IMMP2L: variants seen among roughly 807,000 people sequenced by gnomAD.
IMMP2L encodes the protein inner mitochondrial membrane peptidase subunit 2, also known as mitochondrial inner membrane protease subunit 2.
IMMP2L carries 18 observed loss-of-function variants against 19.3 expected under a neutral mutation model. That is an observed-to-expected ratio of 0.93 (90% CI 0.64 to 1.38). The LOEUF (loss-of-function observed/expected upper bound fraction) is 1.38. IMMP2L is among the 40% of genes most tolerant of loss of function. IMMP2L has a pLI of 0.00. For synonymous variants in IMMP2L, 76 were observed against 73.0 expected, an observed-to-expected ratio of 1.04 and a Z score of -0.21; for missense variants, 233 against 218.2, an observed-to-expected ratio of 1.07 and a Z score of -0.43.
At chr7:110,763,800 C>A (rs545500426) in intron 5 of IMMP2L, among the ~76,000 whole-genome samples, 1 of 151,996 alleles carries the variant, frequency 6.6e-6, no homozygotes, top group Non-Finnish European at 1.5e-5. Context: ...AAGAAAACTG[C>A]GAATATTTTA....
At chr7:111,016,802 A>ATATATATAT (rs1825667501) in intron 3 of IMMP2L, among the ~76,000 whole-genome samples, 10 of 51,108 alleles carry the variant, frequency 2.0e-4, no homozygotes, top group South Asian at 1.8e-3. Flanking sequence ...ATAATATATA[A>ATATATATAT]TATATACTAT....
At chr7:111,314,027 C>G (rs1365206024) in intron 3 of IMMP2L, among the ~76,000 whole-genome samples, 1 of 152,098 alleles carries the variant, frequency 6.6e-6, no homozygotes, top group East Asian at 1.9e-4. Flanking sequence ...AGTGCCTGTT[C>G]CCGCTTTGCC....
At chr7:110,852,944 C>T (rs575027364) in intron 5 of IMMP2L, among the ~76,000 whole-genome samples, 3 of 152,098 alleles carry the variant, frequency 2.0e-5, no homozygotes, top group African/African-American at 7.2e-5. Context: ...CAGAGCTGCT[C>T]TGTCCCTGGT....
At chr7:110,944,004 G>A (rs1439712369) in intron 4 of IMMP2L, among the ~76,000 whole-genome samples, 1 of 151,962 alleles carries the variant, frequency 6.6e-6, no homozygotes, top group Non-Finnish European at 1.5e-5. Flanking sequence ...ATTGGACTAA[G>A]TTGAAATATT....
chr7:110,754,679 C>T (rs11771375), intron 5 of IMMP2L, among the ~76,000 whole-genome samples: 279 of 152,124 alleles, frequency 1.8e-3, no homozygotes, highest in Non-Finnish European at 3.3e-3. Flanking sequence ...TAATCAAACT[C>T]ATAAAATAAT....
intron 5 of IMMP2L, among the ~76,000 whole-genome samples, chr7:110,725,378 A>C (rs559803654): frequency 6.6e-6 from 1 of 152,280 alleles, no homozygotes; most frequent in South Asian, 2.1e-4. Context: ...TACAAAATGA[A>C]ATATGTTTTC....
At position 111,335,789 on chromosome 7, in the gene IMMP2L, A is replaced by G. The variant is rs147486042; in HGVS notation, c.239+151449T>C. ...TGTAAATCGTTTAAAGGTGTGTAAT[A>G]TGCACAAGTTTGATCCTTCTTATAA... On this transcript the variant is annotated intron_variant, in intron 3 of 5. Coordinates refer to ENST00000405709, the MANE Select transcript of IMMP2L (RefSeq NM_032549.4). Among the ~76,000 whole-genome samples, 379 of 152,260 alleles carry G rather than the reference A, an allele frequency of 2.5e-3. 3 individuals carry two copies. Among genetic ancestry groups the G allele is most frequent in the African/African-American group, 8.5e-3 (355 of 41,570 alleles).
chr7:111,556,014 G>GTGTATATATATATATA, intron 1 of IMMP2L, among the ~76,000 whole-genome samples: 1 of 114,570 alleles, frequency 8.7e-6, no homozygotes, highest in Non-Finnish European at 1.7e-5. Context: ...TCTTCTGTGT[G>GTGTATATATATATATA]CATGTATATA....
intron 5 of IMMP2L, among the ~76,000 whole-genome samples, chr7:110,786,725 T>C (rs1013515490): frequency 2.6e-5 from 4 of 152,072 alleles, no homozygotes; most frequent in African/African-American, 9.7e-5. Context: ...CACTGAATGC[T>C]GTTTTCCTGC....
At chr7:111,097,633 C>T (rs530974108) in intron 3 of IMMP2L, among the ~76,000 whole-genome samples, 1 of 151,688 alleles carries the variant, frequency 6.6e-6, no homozygotes, top group African/African-American at 2.4e-5. Flanking sequence ...TTCAAACATA[C>T]AATTCATGTT....
intron 5 of IMMP2L, among the ~76,000 whole-genome samples, chr7:110,788,327 T>C (rs1186333956): frequency 1.3e-5 from 2 of 151,944 alleles, no homozygotes; most frequent in East Asian, 3.9e-4. Context: ...CAATTAATTC[T>C]CAGTCCACAT....
chr7:111,097,528 G>C (rs80172536), intron 3 of IMMP2L, among the ~76,000 whole-genome samples: 2,779 of 151,736 alleles, frequency 0.018, 33 homozygotes, highest in Non-Finnish European at 0.027. Flanking sequence ...ATAATGTTGA[G>C]AGATTAAAGC....
At chr7:111,492,513 G>T in intron 2 of IMMP2L, 1 of 317,656 alleles carries the variant, frequency 3.1e-6, no homozygotes, top group Non-Finnish European at 4.5e-6. Flanking sequence ...CCTCTGTAAA[G>T]CCTTTAAAAA....
At chr7:111,232,251 C>T (rs1297417457) in intron 3 of IMMP2L, among the ~76,000 whole-genome samples, 1 of 151,784 alleles carries the variant, frequency 6.6e-6, no homozygotes, top group East Asian at 1.9e-4. Context: ...GCAGCTTAGA[C>T]TCATGTATAG....
At chr7:110,799,745 AG>A (rs1380206198) in intron 5 of IMMP2L, among the ~76,000 whole-genome samples, 3 of 152,060 alleles carry the variant, frequency 2.0e-5, no homozygotes, top group Non-Finnish European at 4.4e-5. Flanking sequence ...TAGCCTTTTC[AG>A]GCAAAGTCAA....
In IMMP2L at chr7:111,487,275, T is replaced by TC; in HGVS notation, c.201dup (p.Asn68GlufsTer3). 6.2e-7 allele frequency: 1 copy of TC among 1,606,420 alleles called. No individual in the cohort carries two copies. The highest frequency in any genetic ancestry group is 8.5e-7 in the Non-Finnish European group (1 of 1,173,220). On this transcript the variant is annotated frameshift_variant, in exon 3 of 6. Transcript: ENST00000405709. LOFTEE classifies it high-confidence loss of function. ...ATGTCACCACGGTGTACTTCAAAAT[T>TC]CCTCACTTTCCAGTGGTTCAAAAGC...
Position 110,924,979 on chromosome 7 carries a change from T to A in IMMP2L, c.306-38284A>T, listed in dbSNP as rs1415005319. On this transcript the variant is annotated intron_variant, in intron 4 of 5. Coordinates refer to ENST00000405709, the MANE Select transcript of IMMP2L (RefSeq NM_032549.4). The surrounding 1 kb of genome is among the most constrained non-coding windows in gnomAD (Gnocchi z 4.2). ...TTCAACTACATCTAACCATTCATAG[T>A]TATGCATGATAAGGGAATAAAAAGG... 6.6e-6 allele frequency among the ~76,000 whole-genome samples: 1 copy of A among 152,142 alleles called. No homozygotes were observed. The highest frequency in any genetic ancestry group is 2.4e-5 in the African/African-American group (1 of 41,438).
intron 5 of IMMP2L, among the ~76,000 whole-genome samples, chr7:110,868,117 T>TTGTGTG (rs71151813): frequency 4.0e-4 from 58 of 144,476 alleles, no homozygotes; most frequent in African/African-American, 1.3e-3. Flanking sequence ...CTTGTGAGGT[T>TTGTGTG]TGTGTGTGTG....
chr7:110,799,683 AT>A (rs1403414122), intron 5 of IMMP2L, among the ~76,000 whole-genome samples: 2 of 152,062 alleles, frequency 1.3e-5, no homozygotes, highest in Non-Finnish European at 2.9e-5. Flanking sequence ...TATCATTTTT[AT>A]TTACCGCTAG....
Sources: allele counts gnomAD v4.1 joint callset (sites outside exome capture counted in the v4.1 genomes callset), GRCh38; gene constraint gnomAD v4.1.1; non-coding constraint Gnocchi (gnomAD v3.1); transcripts MANE v1.5; gene names NCBI Gene and HGNC (gene_info 2026-07-23, HGNC 2026-07-21).